MECOM: variants seen among roughly 807,000 people sequenced by gnomAD.
MECOM encodes the protein histone-lysine N-methyltransferase MECOM.
In MECOM, 13 loss-of-function variants were observed where a neutral mutation model predicts 116.3. The ratio of observed to expected loss-of-function variants is 0.11; its 90% CI spans 0.07 to 0.18. MECOM has a LOEUF of 0.18. Ranked by LOEUF, MECOM falls within the 10% of genes least tolerant of loss-of-function variation. The pLI is 1.00. For synonymous variants in MECOM, 528 were observed against 535.2 expected (o/e 0.99, Z 0.19); for missense variants, 1,299 against 1,509.0 (o/e 0.86, Z 2.31).
At chr3:169,214,886 A>G (rs925938964) in intron 2 of MECOM, among the ~76,000 whole-genome samples, 8 of 147,984 alleles carry the variant, frequency 5.4e-5, no homozygotes, top group Non-Finnish European at 8.9e-5. Flanking sequence ...TATCTATTAT[A>G]TATATACAAA....
chr3:169,111,491 T>C (rs574709040), intron 9 of MECOM, among the ~76,000 whole-genome samples: 1 of 152,258 alleles, frequency 6.6e-6, no homozygotes, highest in South Asian at 2.1e-4. Context: ...CCTATGAAAC[T>C]TTACAAGTAC....
chr3:169,251,649 G>A (rs1756251589), intron 2 of MECOM, among the ~76,000 whole-genome samples: 1 of 152,112 alleles, frequency 6.6e-6, no homozygotes, highest in Non-Finnish European at 1.5e-5. Context: ...AACCCTGTAG[G>A]ACATATGAAT....
chr3:169,481,000 A>G (rs1751199938), intron 1 of MECOM, among the ~76,000 whole-genome samples: 2 of 152,180 alleles, frequency 1.3e-5, no homozygotes, highest in South Asian at 4.1e-4. Context: ...TCTGTACTTC[A>G]CAAGTCAACA....
chr3:169,151,082 C>T (rs1741108476), intron 2 of MECOM, among the ~76,000 whole-genome samples: 1 of 152,222 alleles, frequency 6.6e-6, no homozygotes, highest in South Asian at 2.1e-4. Flanking sequence ...TCCCACAAGA[C>T]TGTAAACTGA....
intron 1 of MECOM, among the ~76,000 whole-genome samples, chr3:169,630,888 T>G (rs1173401632): frequency 2.0e-5 from 3 of 152,232 alleles, no homozygotes; most frequent in Non-Finnish European, 4.4e-5. Flanking sequence ...GATCCCAAAG[T>G]GCTGGAATTA....
intron 1 of MECOM, among the ~76,000 whole-genome samples, chr3:169,595,661 T>G (rs1420807049): frequency 6.6e-6 from 1 of 152,220 alleles, no homozygotes; most frequent in Admixed American, 6.5e-5. Flanking sequence ...AATGCTTTTC[T>G]TATTTTTGAT....
chr3:169,457,314 C>CA (rs1324063304), intron 1 of MECOM, among the ~76,000 whole-genome samples: 2 of 152,162 alleles, frequency 1.3e-5, no homozygotes, highest in Non-Finnish European at 2.9e-5. Context: ...TAGGAACTCA[C>CA]AGGGCTTAAT....
intron 1 of MECOM, among the ~76,000 whole-genome samples, chr3:169,516,073 G>A (rs898062791): frequency 1.3e-5 from 2 of 152,046 alleles, no homozygotes; most frequent in African/African-American, 4.8e-5. Flanking sequence ...AAACTCATGA[G>A]AAGTATTTAA....
At chr3:169,603,735 G>A (rs563692340) in intron 1 of MECOM, among the ~76,000 whole-genome samples, 16 of 152,202 alleles carry the variant, frequency 1.1e-4, no homozygotes, top group South Asian at 6.2e-4. Flanking sequence ...TACACCATAC[G>A]GCTTCAATGT....
intron 2 of MECOM, among the ~76,000 whole-genome samples, chr3:169,338,600 G>GGTGTGTGTGTGTGTGTGT (rs149763365): frequency 4.2e-4 from 61 of 146,544 alleles, no homozygotes; most frequent in East Asian, 1.2e-3. Context: ...TTATGTTAGG[G>GGTGTGTGTGTGTGTGTGT]GTGTGTGTGT....
intron 1 of MECOM, among the ~76,000 whole-genome samples, chr3:169,617,874 T>C (rs913240568): frequency 1.3e-5 from 2 of 152,206 alleles, no homozygotes; most frequent in African/African-American, 4.8e-5. Context: ...CTCCTGAGCC[T>C]TGACCAGCCC....
chr3:169,418,071 A>C (rs1739009388), intron 1 of MECOM, among the ~76,000 whole-genome samples: 1 of 151,652 alleles, frequency 6.6e-6, no homozygotes, highest in Non-Finnish European at 1.5e-5. Flanking sequence ...ACTAACCTGC[A>C]CATTGTGCAC....
chr3:169,278,516 T>C (rs537277575), intron 2 of MECOM, among the ~76,000 whole-genome samples: 1 of 152,320 alleles, frequency 6.6e-6, no homozygotes, highest in East Asian at 1.9e-4. Context: ...AAAGCCAACA[T>C]AGAAAATTAA....
intron 1 of MECOM, chr3:169,483,535 G>A (rs1055356520): frequency 2.8e-5 from 17 of 612,498 alleles, no homozygotes; most frequent in East Asian, 1.7e-4. Flanking sequence ...AATGAGTGGC[G>A]AACCAAGGGA....
At chr3:169,146,522 T>C (rs1385242749) in intron 2 of MECOM, 1 of 1,379,112 alleles carries the variant, frequency 7.3e-7, no homozygotes, top group South Asian at 1.1e-5. Flanking sequence ...GACCGCACCG[T>C]TTCGCAGGAG....
At chr3:169,663,263 G>A (rs2110156052) in intron 1 of MECOM, 73 bp downstream of exon 1, 2 of 1,535,696 alleles carry the variant, frequency 1.3e-6, no homozygotes, top group East Asian at 2.4e-5. Context: ...GCTCCCTCCC[G>A]GAGCGCTAGA....
intron 1 of MECOM, among the ~76,000 whole-genome samples, chr3:169,558,127 C>T (rs371828006): frequency 3.9e-5 from 6 of 152,262 alleles, no homozygotes; most frequent in African/African-American, 1.2e-4. Context: ...GTTCTCCCTG[C>T]TATGATTCAC....
chr3:169,450,857 G>C (rs1745458543), intron 1 of MECOM, among the ~76,000 whole-genome samples: 2 of 152,156 alleles, frequency 1.3e-5, no homozygotes, highest in Non-Finnish European at 2.9e-5. Flanking sequence ...TGCATAAGAA[G>C]AAAAGGATCT....
chr3:169,305,543 C>T (rs1346898539), intron 2 of MECOM, among the ~76,000 whole-genome samples: 1 of 152,136 alleles, frequency 6.6e-6, no homozygotes, highest in East Asian at 1.9e-4. Context: ...TTGCCAGTAA[C>T]CAGGGCTTCC....
Sources: allele counts gnomAD v4.1 joint callset (sites outside exome capture counted in the v4.1 genomes callset), GRCh38; gene constraint gnomAD v4.1.1; transcripts MANE v1.5; gene names NCBI Gene and HGNC (gene_info 2026-07-23, HGNC 2026-07-21).